Variants in PLCE1 observed in about 807,000 individuals in gnomAD.
PLCE1 encodes the protein 1-phosphatidylinositol 4,5-bisphosphate phosphodiesterase epsilon-1.
In PLCE1, 119 loss-of-function variants were observed where a neutral mutation model predicts 242.8. That is an observed-to-expected ratio of 0.49 (90% confidence interval 0.42 to 0.57). The LOEUF is 0.57. Among genes scored for constraint, PLCE1 ranks in the 20% least tolerant of loss-of-function variants. The pLI is 0.00. For missense variants in PLCE1, 2,441 were observed against 2,788.8 expected (o/e 0.88, Z 2.81); for synonymous variants, 945 against 1,017.4 (o/e 0.93, Z 1.35).
chr10:94,170,929 G>A (rs1391618461), intron 3 of PLCE1, among the ~76,000 whole-genome samples: 1 of 152,096 alleles, frequency 6.6e-6, no homozygotes, highest in Non-Finnish European at 1.5e-5. Flanking sequence ...GATTAATGCT[G>A]CTGCTGAAAA....
intron 4 of PLCE1, among the ~76,000 whole-genome samples, chr10:94,175,708 C>T (rs1378316564): frequency 2.0e-5 from 3 of 151,982 alleles, no homozygotes; most frequent in African/African-American, 7.3e-5. Flanking sequence ...CCACTTCCTC[C>T]CTCACTCCCC....
In PLCE1 at chr10:94,235,646, G is replaced by A. The variant is rs112616306; in HGVS notation, c.2215-269G>A. 96 of 769,814 alleles carry A rather than the reference G, an allele frequency of 1.2e-4. No homozygotes were observed. In the African/African-American group the frequency reaches 1.6e-3, roughly 13 times the overall value. The allele number at this position is 769,814 out of a possible 1,614,324, so 47.7% of individuals were successfully genotyped here. On this transcript the variant is annotated intron_variant, in intron 6 of 32. Coordinates refer to ENST00000371380, the MANE Select transcript of PLCE1 (RefSeq NM_016341.4). The stretch of plus-strand genomic sequence containing the variant: ...CAAATTGGCTAATCTTCTCCTTAGG[G>A]AGCCCTGAAATAATATTTTTTTTGT...
At chr10:94,165,046 C>T (rs1354774246) in intron 3 of PLCE1, among the ~76,000 whole-genome samples, 2 of 152,218 alleles carry the variant, frequency 1.3e-5, no homozygotes, top group Non-Finnish European at 2.9e-5. Context: ...TCTGCCCCTA[C>T]TATGGGGATG....
chr10:94,184,293 T>C lies in PLCE1; in HGVS notation c.1809+12797T>C, dbSNP rs60232385. Among the ~76,000 whole-genome samples the C allele has an allele frequency of 6.2e-3, 950 of 152,298 alleles. 11 individuals are homozygous for C. Among genetic ancestry groups the C allele is most frequent in the African/African-American group, 0.022 (900 of 41,548 alleles). On this transcript the variant is annotated intron_variant, in intron 4 of 32. Transcript: ENST00000371380. Reference sequence around the variant, plus strand: ...AAATCCAAGATAACAAGACCCTGCATGGTTTTGCTCCTGCCTACTTCTCCA... The same window carrying C: ...AAATCCAAGATAACAAGACCCTGCACGGTTTTGCTCCTGCCTACTTCTCCA...
At chr10:94,216,436 A>C (rs2049529567) in intron 4 of PLCE1, among the ~76,000 whole-genome samples, 1 of 152,152 alleles carries the variant, frequency 6.6e-6, no homozygotes, top group Non-Finnish European at 1.5e-5. Flanking sequence ...GAGGGTAGAC[A>C]CTCAGGAATG....
chr10:94,029,007 A>T (rs1034824365), intron 1 of PLCE1, among the ~76,000 whole-genome samples: 1 of 152,132 alleles, frequency 6.6e-6, no homozygotes, highest in Non-Finnish European at 1.5e-5. Flanking sequence ...ACAGTATGTG[A>T]CTGCTGAATC....
intron 29 of PLCE1, among the ~76,000 whole-genome samples, chr10:94,319,180 A>G (rs1020675002): frequency 7.2e-5 from 11 of 152,342 alleles, no homozygotes; most frequent in African/African-American, 2.4e-4. Context: ...GATTTTTCTG[A>G]TAAGTAAAAT....
chr10:94,099,037 G>A (rs1006998105), intron 2 of PLCE1, among the ~76,000 whole-genome samples: 3 of 152,202 alleles, frequency 2.0e-5, no homozygotes, highest in African/African-American at 4.8e-5. Flanking sequence ...AGCTTATCAC[G>A]AATTTGGAAG....
In PLCE1 at chr10:94,306,628, G is replaced by A; in HGVS notation, c.5824G>A (p.Glu1942Lys). ...TGTATTTCTTCGTTTTGCAGTTGTG[G>A]AAAACAATAGTTCAGCGGTAACTGC... ...DLVFLRFAVVENNSSAVTAQR... is the reference protein window; with the variant it reads ...DLVFLRFAVVKNNSSAVTAQR... Residue 1942 changes from glutamate (E) to lysine (K), a missense_variant, in exon 26 of 33, where the codon GAA (glutamate) becomes AAA (lysine). Glu to Lys is a moderately conservative substitution (Grantham distance 56). This residue lies in a region of PLCE1 where 1,004 missense variants were observed against 1,322.7 expected (regional missense o/e 0.76). Coordinates refer to ENST00000371380, the MANE Select transcript of PLCE1 (RefSeq NM_016341.4). The surrounding 1 kb of genome is among the most constrained non-coding windows in gnomAD (Gnocchi z 5.7). 1 of 1,614,116 alleles carries A rather than the reference G, an allele frequency of 6.2e-7. No individual in the cohort carries two copies. The highest frequency in any genetic ancestry group is 8.5e-7 in the Non-Finnish European group (1 of 1,179,986).
chr10:94,267,224 A>T (rs1487046091), intron 16 of PLCE1, among the ~76,000 whole-genome samples: 1 of 152,232 alleles, frequency 6.6e-6, no homozygotes, highest in Non-Finnish European at 1.5e-5. Flanking sequence ...ATATCTATGT[A>T]TATTTATGTA....
intron 15 of PLCE1, 21 bp downstream of exon 15, chr10:94,265,729 T>C: frequency 1.9e-6 from 3 of 1,613,588 alleles, no homozygotes; most frequent in Non-Finnish European, 2.5e-6. Flanking sequence ...AAATATCTTT[T>C]GCCCATCTTT....
chr10:94,274,942 G>T (rs1443472706), intron 19 of PLCE1, among the ~76,000 whole-genome samples: 1 of 152,078 alleles, frequency 6.6e-6, no homozygotes, highest in African/African-American at 2.4e-5. Flanking sequence ...ACCCAGTGTG[G>T]TGCTTTTTCT....
intron 2 of PLCE1, among the ~76,000 whole-genome samples, chr10:94,097,483 G>A (rs978873997): frequency 6.6e-6 from 1 of 152,196 alleles, no homozygotes; most frequent in African/African-American, 2.4e-5. Context: ...CTAAGTGCCA[G>A]GATGTAGAGT....
At chr10:94,164,769 A>C (rs944716338) in intron 3 of PLCE1, among the ~76,000 whole-genome samples, 4 of 151,982 alleles carry the variant, frequency 2.6e-5, no homozygotes, top group African/African-American at 9.7e-5. Flanking sequence ...TTGTGTTTTT[A>C]TCTACCTTTG....
chr10:94,161,700 T>G (rs1262222586), intron 3 of PLCE1, among the ~76,000 whole-genome samples: 1 of 152,100 alleles, frequency 6.6e-6, no homozygotes, highest in East Asian at 1.9e-4. Context: ...ATTTTGAATA[T>G]GAGTGGTGAG....
chr10:94,128,316 A>G (rs1476450976), intron 2 of PLCE1, among the ~76,000 whole-genome samples: 4 of 152,180 alleles, frequency 2.6e-5, no homozygotes, highest in Admixed American at 2.6e-4. Flanking sequence ...TTCCCTGAAC[A>G]TTGCCATATC....
chr10:94,312,199 A>T (rs1038125686), intron 27 of PLCE1, among the ~76,000 whole-genome samples: 22 of 152,186 alleles, frequency 1.4e-4, no homozygotes, highest in Admixed American at 2.6e-4. Flanking sequence ...AACTGATTTT[A>T]AAAAAATCAC....
chr10:94,222,111 T>C (rs2049768552), intron 4 of PLCE1, among the ~76,000 whole-genome samples: 1 of 152,126 alleles, frequency 6.6e-6, no homozygotes, highest in Admixed American at 6.5e-5. Context: ...GTCTCTGTCC[T>C]GGAGGTCTAA....
Position 94,331,946 on chromosome 10 carries a change from AC to A in PLCE1, c.*4005del, listed in dbSNP as rs1479268167. 6.9e-6 allele frequency: 1 copy of A among 145,204 alleles called. No homozygotes were observed. The highest frequency in any genetic ancestry group is 2.2e-4 in the South Asian group (1 of 4,636). The allele number at this position is 145,204 out of a possible 1,614,324, so 9.0% of individuals were successfully genotyped here. The stretch of plus-strand genomic sequence containing the variant: ...GAGTGCAGTGGTACGATCTCGACTC[AC>A]CACAACCTCCACCTCCCAGGTTCAA... On this transcript the variant is annotated 3_prime_UTR_variant, in exon 33 of 33. Transcript: ENST00000371380.
Sources: allele counts gnomAD v4.1 joint callset (sites outside exome capture counted in the v4.1 genomes callset), GRCh38; gene constraint gnomAD v4.1.1; regional missense constraint gnomAD v4.1.1; non-coding constraint Gnocchi (gnomAD v3.1); transcripts MANE v1.5; gene names NCBI Gene and HGNC (gene_info 2026-07-23, HGNC 2026-07-21).